Variants in TBC1D2 observed in about 807,000 individuals in gnomAD.
TBC1D2 encodes the protein TBC1 domain family member 2, also known as TBC1 domain family member 2A.
TBC1D2 carries 58 observed loss-of-function variants against 91.1 expected under a neutral mutation model. The observed-to-expected ratio is 0.64, with a 90% confidence interval of 0.52 to 0.79. TBC1D2 has a LOEUF of 0.79. Among genes scored for constraint, TBC1D2 ranks in the 30% least tolerant of loss-of-function variants. The probability of loss-of-function intolerance (pLI) is 0.00; values close to 1 mark genes in which losing one functional copy is unlikely to be tolerated. For synonymous variants in TBC1D2, 482 were observed against 511.5 expected (o/e 0.94, Z 0.78); for missense variants, 1,080 against 1,208.3 (o/e 0.89, Z 1.57).
rs765407366 is a variant in TBC1D2 at position 98,210,736 on chromosome 9, CA to C, written c.1592del (p.Leu531ArgfsTer2). The C allele has an allele frequency of 4.5e-5, 72 of 1,589,102 alleles. No homozygotes were observed. The highest frequency in any genetic ancestry group is 5.5e-5 in the Non-Finnish European group (64 of 1,167,632). On this transcript the variant is annotated frameshift_variant, in exon 8 of 13. Coordinates refer to ENST00000465784, the MANE Select transcript of TBC1D2 (RefSeq NM_001267571.2). LOFTEE classifies it high-confidence loss of function. ...LGDEASECSE[L>X]LRQLVQEALQ... ...GTGCCTCCTGGACAAGCTGCCTCAG[CA>C]GCTCTGAGCACTCGCTGGCTTCGTC...
rs1829093315 is a variant in TBC1D2, at chr9:98,221,179, T to C, written c.1028A>G (p.Lys343Arg). The C allele has an allele frequency of 6.4e-7, 1 of 1,560,118 alleles. No homozygotes were observed. Among genetic ancestry groups the C allele is most frequent in the Non-Finnish European group, 8.7e-7 (1 of 1,151,958 alleles). The change falls in exon 6 of 13, where the codon AAG (lysine) becomes AGG (arginine). Residue 343 changes from lysine to arginine, a missense_variant. Transcript: ENST00000465784. ...CGCCAGGTATGCGCTGGACGCCCGC[T>C]TCTCCTGCTGGGCGGCCTCCAGTGC... ...HKALEAAQQE[K>R]RASSAYLAAA...
chr9:98,201,585 T>A lies in TBC1D2; in HGVS notation c.2351A>T (p.Asp784Val). ...LMAHLGQHHV[D>V]LSLVTFNWFL... is the part of the protein sequence containing the mutation. The stretch of plus-strand genomic sequence containing the variant: ...CCAGTTGAAGGTGACGAGGGAGAGA[T>A]CCACGTGGTGCTGCCCCAGATGGGC... Residue 784 changes from aspartate (D) to valine (V), a missense_variant, in exon 11 of 13, where the codon GAT becomes GTT. Coordinates refer to ENST00000465784, the MANE Select transcript of TBC1D2 (RefSeq NM_001267571.2). 6.2e-7 allele frequency: 1 copy of A among 1,614,034 alleles called. No individual in the cohort carries two copies. The highest frequency in any genetic ancestry group is 8.5e-7 in the Non-Finnish European group (1 of 1,179,996).
At chr9:98,209,208 T>C in intron 8 of TBC1D2, 64 bp from the exon 9 acceptor site, 2 of 1,513,282 alleles carry the variant, frequency 1.3e-6, no homozygotes, top group African/African-American at 1.4e-5. Context: ...GGGGTGGTGG[T>C]GACAGGGAGG....
intron 9 of TBC1D2, among the ~76,000 whole-genome samples, chr9:98,206,451 C>T (rs772133718): frequency 6.6e-5 from 10 of 152,320 alleles, no homozygotes; most frequent in Admixed American, 2.0e-4. Context: ...CCTCCTTCCA[C>T]ACAGGGAGAA....
At position 98,208,713 on chromosome 9, in the gene TBC1D2, A is replaced by T. The variant is rs1722039456; in HGVS notation, c.2105T>A (p.Phe702Tyr). The T allele has an allele frequency of 8.4e-6, 13 of 1,543,108 alleles. No individual in the cohort carries two copies. Among genetic ancestry groups the T allele is most frequent in the Non-Finnish European group, 1.1e-5 (13 of 1,141,458 alleles). Reference protein sequence around the residue: ...PDKLRRVLLAFSWQNPTIGYC... With the variant: ...PDKLRRVLLAYSWQNPTIGYC... ...GCCGATGGTGGGGTTCTGCCAGGAG[A>T]AGGCCAGCAGCACCCGGCGGAGCTT... Residue 702 changes from phenylalanine (F) to tyrosine (Y), a missense_variant, in exon 9 of 13, where the codon TTC (phenylalanine) becomes TAC (tyrosine). Phe to Tyr is a conservative substitution (Grantham distance 22). Transcript: ENST00000465784.
chr9:98,222,027 T>A (rs1204694783), intron 5 of TBC1D2, among the ~76,000 whole-genome samples: 2 of 152,118 alleles, frequency 1.3e-5, no homozygotes, highest in Admixed American at 1.3e-4. Flanking sequence ...CCACACCCAG[T>A]GGAGATGTTT....
chr9:98,238,311 T>C (rs1434683401), intron 3 of TBC1D2, among the ~76,000 whole-genome samples: 3 of 136,734 alleles, frequency 2.2e-5, no homozygotes, highest in Non-Finnish European at 4.5e-5. Flanking sequence ...TTTGCATCAT[T>C]ATGTCAAATT....
At position 98,232,342 on chromosome 9, in the gene TBC1D2, G is replaced by GTTTTTTTTTTTTTTTTTTTTTT. The variant is rs753455224; in HGVS notation, c.781+1073_781+1074insAAAAAAAAAAAAAAAAAAAAAA. Among the ~76,000 whole-genome samples, 115 of 86,734 alleles carry GTTTTTTTTTTTTTTTTTTTTTT rather than the reference G, an allele frequency of 1.3e-3. 14 individuals carry two copies. Among genetic ancestry groups the GTTTTTTTTTTTTTTTTTTTTTT allele is most frequent in the Non-Finnish European group, 1.5e-3 (62 of 42,044 alleles). The allele number at this position is 86,734 out of a possible 152,430, so 56.9% of individuals were successfully genotyped here. On this transcript the variant is annotated intron_variant, in intron 4 of 12. Coordinates refer to ENST00000465784, the MANE Select transcript of TBC1D2 (RefSeq NM_001267571.2). ...TTTCTTTTCTTCTTTCTCTTTTTCT[G>GTTTTTTTTTTTTTTTTTTTTTT]TTTTTTTTTTTGACAGTGTCTCACT...
rs1270758134 is a variant in TBC1D2, at chr9:98,244,076, C to T, written c.565G>A (p.Gly189Arg). The T allele has an allele frequency of 1.2e-6, 2 of 1,613,228 alleles. No individual in the cohort carries two copies. The highest frequency in any genetic ancestry group is 4.5e-5 in the East Asian group (2 of 44,866). Residue 189 changes from glycine (G) to arginine (R), a missense_variant, in exon 3 of 13, where the codon GGG becomes AGG. Coordinates refer to ENST00000465784, the MANE Select transcript of TBC1D2 (RefSeq NM_001267571.2). ...EFLCPVKTPP[G>R]LVGVAAALQP... The stretch of plus-strand genomic sequence containing the variant: ...AAGGCAGCTGCCACGCCCACTAGCC[C>T]AGGGGGTGTTTTCACAGGGCACAGG...
intron 6 of TBC1D2, among the ~76,000 whole-genome samples, chr9:98,220,165 G>A (rs577274586): frequency 1.2e-4 from 19 of 152,262 alleles, no homozygotes; most frequent in African/African-American, 4.6e-4. Flanking sequence ...CCGCAGACAT[G>A]AGCTCCAGCC....
intron 1 of TBC1D2, among the ~76,000 whole-genome samples, chr9:98,254,089 G>A (rs534830590): frequency 9.9e-5 from 15 of 152,194 alleles, no homozygotes; most frequent in East Asian, 3.9e-4. Context: ...CTGGTCACCC[G>A]CCAAGTCCAG....
At chr9:98,203,250 C>T (rs1215808581) in intron 10 of TBC1D2, 38 bp downstream of exon 10, 1 of 1,612,510 alleles carries the variant, frequency 6.2e-7, no homozygotes, top group East Asian at 2.2e-5. Flanking sequence ...GGGGCACTGC[C>T]CTACATGGCT....
intron 9 of TBC1D2, among the ~76,000 whole-genome samples, chr9:98,204,881 C>T (rs1395532495): frequency 6.6e-6 from 1 of 152,158 alleles, no homozygotes; most frequent in Non-Finnish European, 1.5e-5. Flanking sequence ...TCGTCTGTGC[C>T]CAGGGCAGAC....
rs1235770044 is a variant in TBC1D2 at position 98,203,395 on chromosome 9, C to T, written c.2164G>A (p.Ala722Thr). The T allele has an allele frequency of 6.2e-7, 1 of 1,614,170 alleles. No homozygotes were observed. Among genetic ancestry groups the T allele is most frequent in the East Asian group, 2.2e-5 (1 of 44,888 alleles). ...TCCTCCTCCTCTAGGACCAGCAGGGCAATGGCCGCCAGCCTGGAGTAGTAG... is the reference window on the plus strand; with the variant it reads ...TCCTCCTCCTCTAGGACCAGCAGGGTAATGGCCGCCAGCCTGGAGTAGTAG... ...CQGLNRLAAI[A>T]LLVLEEEESA... The change falls in exon 10 of 13, where the codon GCC (alanine) becomes ACC (threonine). Residue 722 changes from alanine to threonine, a missense_variant. Ala to Thr is a moderately conservative substitution (Grantham distance 58). Transcript: ENST00000465784.
Position 98,251,791 on chromosome 9 carries a change from C to T in TBC1D2, c.505G>A (p.Glu169Lys), listed in dbSNP as rs374420605. The T allele has an allele frequency of 8.8e-6, 14 of 1,582,586 alleles. No individual in the cohort carries two copies. The highest frequency in any genetic ancestry group is 3.4e-5 in the South Asian group (3 of 87,974). Reference sequence around the variant, plus strand: ...AGGGTAGCCCATTGGGTACCTAGCTCGAGGTGCAGGACGGGCCCATTCCCA... The same window carrying T: ...AGGGTAGCCCATTGGGTACCTAGCTTGAGGTGCAGGACGGGCCCATTCCCA... ...LAGNGPVLHL[E>K]LGQEEAELEE... The change falls in exon 2 of 13, where the codon GAG becomes AAG. Residue 169 changes from glutamate to lysine, a missense_variant. By Grantham distance (56) the Glu-to-Lys change is moderately conservative. Coordinates refer to ENST00000465784, the MANE Select transcript of TBC1D2 (RefSeq NM_001267571.2).
chr9:98,200,760 A>C (rs1828473999), intron 11 of TBC1D2, among the ~76,000 whole-genome samples: 1 of 152,216 alleles, frequency 6.6e-6, no homozygotes, highest in Non-Finnish European at 1.5e-5. Context: ...TCATGCCAGT[A>C]ATTCCAGCAC....
At chr9:98,209,776 C>CT (rs1554751820) in intron 8 of TBC1D2, among the ~76,000 whole-genome samples, 120 of 139,604 alleles carry the variant, frequency 8.6e-4, no homozygotes, top group African/African-American at 3.1e-3. Flanking sequence ...TCCTTCCTTC[C>CT]TTCCTTCCTT....
intron 5 of TBC1D2, among the ~76,000 whole-genome samples, chr9:98,224,196 CAAAA>C (rs1217448010): frequency 9.4e-5 from 5 of 53,212 alleles, no homozygotes; most frequent in South Asian, 6.3e-4. Context: ...GACTCCATCT[CAAAA>C]AAAAAAAAAA....
At chr9:98,255,132 C>T (rs1368569165) in intron 1 of TBC1D2, 41 bp downstream of exon 1, 2 of 1,567,586 alleles carry the variant, frequency 1.3e-6, no homozygotes, top group Non-Finnish European at 8.7e-7. Flanking sequence ...AAAAGGGGAC[C>T]TCACGCCGCT....
Sources: allele counts gnomAD v4.1 joint callset (sites outside exome capture counted in the v4.1 genomes callset), GRCh38; gene constraint gnomAD v4.1.1; transcripts MANE v1.5; gene names NCBI Gene and HGNC (gene_info 2026-07-23, HGNC 2026-07-21).